The following ATP9A variants were observed in gnomAD, a reference collection of about 807,000 sequenced individuals.
ATP9A encodes probable phospholipid-transporting ATPase IIA.
Under a neutral mutation model 144.1 loss-of-function variants are expected in ATP9A, and 52 were observed. That is an observed-to-expected ratio of 0.36 (90% confidence interval 0.29 to 0.45). The LOEUF (loss-of-function observed/expected upper bound fraction) is 0.45. Ranked by LOEUF, ATP9A falls within the 20% of genes least tolerant of loss-of-function variation. ATP9A has a pLI of 1.00. For missense variants in ATP9A, 947 were observed against 1,392.7 expected (o/e 0.68, Z 5.09); for synonymous variants, 582 against 557.4 (o/e 1.04, Z -0.62).
At chr20:51,622,248 C>T in intron 18 of ATP9A, 76 bp from the exon 19 acceptor site, 1 of 1,194,052 alleles carries the variant, frequency 8.4e-7, no homozygotes, top group Non-Finnish European at 1.2e-6. Context: ...GCTGAGTTTC[C>T]AACAACATGG....
chr20:51,768,326 C>A lies in ATP9A; in HGVS notation c.44G>T (p.Arg15Leu). The A allele has an allele frequency of 7.6e-7, 1 of 1,313,546 alleles. No individual in the cohort carries two copies. Among genetic ancestry groups the A allele is most frequent in the East Asian group, 3.2e-5 (1 of 31,322 alleles). The allele number at this position is 1,313,546 out of a possible 1,614,324, so 81.4% of individuals were successfully genotyped here. ...IPLQPVRQKK[R>L]MDSRPRAGCC... Reference sequence around the variant, plus strand: ...CCCGGCGCGGGGCCTGCTGTCCATCCGCTTCTTCTGGCGCACCGGCTGCAG... The same window carrying A: ...CCCGGCGCGGGGCCTGCTGTCCATCAGCTTCTTCTGGCGCACCGGCTGCAG... Residue 15 changes from arginine to leucine, a missense_variant, in exon 1 of 28, where the codon CGG (arginine) becomes CTG (leucine). By Grantham distance (102) the Arg-to-Leu change is moderately radical (BLOSUM62 -2). This residue lies in a region of ATP9A where 770 missense variants were observed against 1,047.9 expected (regional missense o/e 0.73). Coordinates refer to ENST00000338821, the MANE Select transcript of ATP9A (RefSeq NM_006045.3).
rs539931418 is a variant in ATP9A at position 51,671,252 on chromosome 20, C to T, written c.1043G>A (p.Arg348His). Residue 348 changes from arginine (R) to histidine (H), a missense_variant, in exon 12 of 28, where the codon CGT becomes CAT. Around this residue, in one of 2 missense-constraint regions of ATP9A, gnomAD observed 770 missense variants for 1,047.9 expected, o/e 0.73. Coordinates refer to ENST00000338821, the MANE Select transcript of ATP9A (RefSeq NM_006045.3). ...GATCTTGCCCATGTCCAGGTTCACA[C>T]GCAAACTAGGCACAAAACCAGAGCA... is the stretch of plus-strand genomic sequence containing the variant. ...LFSNIIPISL[R>H]VNLDMGKIVY... The T allele has an allele frequency of 2.3e-5, 37 of 1,612,822 alleles. No individual in the cohort carries two copies. Among genetic ancestry groups the T allele is most frequent in the South Asian group, 1.4e-4 (13 of 91,054 alleles).
chr20:51,663,950 TCA>T (rs1341897025), intron 13 of ATP9A, among the ~76,000 whole-genome samples: 1 of 151,966 alleles, frequency 6.6e-6, no homozygotes, highest in East Asian at 1.9e-4. Context: ...AATCACAAAC[TCA>T]CACGCTCATA....
At chr20:51,635,713 G>C (rs543712262) in intron 15 of ATP9A, among the ~76,000 whole-genome samples, 1 of 150,270 alleles carries the variant, frequency 6.7e-6, no homozygotes, top group East Asian at 2.0e-4. Context: ...CTCCACCCTA[G>C]GCAACAGAGC....
chr20:51,738,910 C>T (rs2077773570), intron 1 of ATP9A, among the ~76,000 whole-genome samples: 2 of 152,038 alleles, frequency 1.3e-5, no homozygotes, highest in African/African-American at 4.8e-5. Context: ...GGAGAAACCC[C>T]GCCTCCACTA....
chr20:51,743,740 TC>T (rs1369491374), intron 1 of ATP9A, among the ~76,000 whole-genome samples: 1 of 632 alleles, frequency 1.6e-3, no homozygotes, highest in Non-Finnish European at 3.5e-3. Context: ...CCGGGCACGG[TC>T]GTCACGCCTA....
chr20:51,745,848 T>C (rs1257402309), intron 1 of ATP9A, among the ~76,000 whole-genome samples: 1 of 152,116 alleles, frequency 6.6e-6, no homozygotes, highest in Admixed American at 6.6e-5. Context: ...CAAAGGAATA[T>C]ACATCATTCT....
At chr20:51,715,138 T>G (rs997880468) in intron 3 of ATP9A, among the ~76,000 whole-genome samples, 1 of 152,234 alleles carries the variant, frequency 6.6e-6, no homozygotes, top group African/African-American at 2.4e-5. Context: ...AATTTCACTT[T>G]CATAGTTTAC....
At chr20:51,689,773 G>T (rs2077538935) in intron 8 of ATP9A, among the ~76,000 whole-genome samples, 1 of 151,752 alleles carries the variant, frequency 6.6e-6, no homozygotes, top group Non-Finnish European at 1.5e-5. Flanking sequence ...AGGTCTGGAA[G>T]TGGCTTAAAA....
intron 1 of ATP9A, among the ~76,000 whole-genome samples, chr20:51,751,665 G>A (rs2077832528): frequency 6.6e-6 from 1 of 152,046 alleles, no homozygotes; most frequent in Non-Finnish European, 1.5e-5. Flanking sequence ...TCGGCTCACT[G>A]CAAGCTCCGC....
intron 3 of ATP9A, among the ~76,000 whole-genome samples, chr20:51,725,159 A>G (rs1170727345): frequency 6.6e-6 from 1 of 151,996 alleles, no homozygotes; most frequent in South Asian, 2.1e-4. Flanking sequence ...GTCTCTCTCC[A>G]TCACCCAGGC....
chr20:51,761,622 T>C (rs922073511), intron 1 of ATP9A, among the ~76,000 whole-genome samples: 1 of 151,994 alleles, frequency 6.6e-6, no homozygotes, highest in East Asian at 1.9e-4. Flanking sequence ...TAGCCGAGCG[T>C]GGTGACAGGC....
chr20:51,608,921 A>ACGTG (rs2077174288), intron 24 of ATP9A, among the ~76,000 whole-genome samples: 1 of 30,996 alleles, frequency 3.2e-5, no homozygotes, highest in African/African-American at 1.1e-4. Context: ...AGGAAATAAG[A>ACGTG]CGTGTGTGTG....
chr20:51,698,831 C>A (rs535491264), intron 4 of ATP9A, among the ~76,000 whole-genome samples: 10 of 152,130 alleles, frequency 6.6e-5, no homozygotes, highest in African/African-American at 9.7e-5. Flanking sequence ...CGTAAAGCAT[C>A]AGGAAAGCAG....
At chr20:51,635,556 GGT>G (rs1460359706) in intron 15 of ATP9A, among the ~76,000 whole-genome samples, 6 of 151,872 alleles carry the variant, frequency 4.0e-5, no homozygotes, top group Non-Finnish European at 7.4e-5. Context: ...TGGGCAATAT[GGT>G]GAGACCCTAT....
chr20:51,627,071 AAAG>A lies in ATP9A; in HGVS notation c.1845+526_1845+528del, dbSNP rs1282552957. Among the ~76,000 whole-genome samples the A allele has an allele frequency of 9.2e-3, 1,390 of 151,480 alleles. 9 individuals carry two copies. The highest frequency in any genetic ancestry group is 0.014 in the Non-Finnish European group (940 of 67,774). Reference sequence around the variant, plus strand: ...AAACTCTGTCTCAAAAAAAAAAAAAAAAGAAGAAGAAGAACAAGAATAAGAAGA... The same window carrying A: ...AAACTCTGTCTCAAAAAAAAAAAAAAAAGAAGAAGAACAAGAATAAGAAGA... On this transcript the variant is annotated intron_variant, in intron 17 of 27. Transcript: ENST00000338821.
chr20:51,670,137 G>T (rs1394552547), intron 12 of ATP9A, 28 bp from the exon 13 acceptor site: 13 of 1,544,956 alleles, frequency 8.4e-6, no homozygotes, highest in Non-Finnish European at 1.2e-5. Flanking sequence ...TGAGTGGCCG[G>T]CCTGTCTCTC....
At chr20:51,688,913 G>A (rs183394328) in intron 9 of ATP9A, 151 bp downstream of exon 9, 233 of 878,604 alleles carry the variant, frequency 2.7e-4, no homozygotes, top group Non-Finnish European at 3.6e-4. Context: ...GCAATTAGAT[G>A]TCAGTTTAAT....
At chr20:51,707,496 C>T (rs568658026) in intron 4 of ATP9A, among the ~76,000 whole-genome samples, 2 of 152,248 alleles carry the variant, frequency 1.3e-5, no homozygotes, top group Admixed American at 1.3e-4. Context: ...CATGCAAGAG[C>T]TTCACTTACA....
Sources: allele counts gnomAD v4.1 joint callset (sites outside exome capture counted in the v4.1 genomes callset), GRCh38; gene constraint gnomAD v4.1.1; regional missense constraint gnomAD v4.1.1; transcripts MANE v1.5; gene names NCBI Gene and HGNC (gene_info 2026-07-23, HGNC 2026-07-21).